DLC1: variants seen among roughly 807,000 people sequenced by gnomAD.
The protein encoded by DLC1 is DLC1 Rho GTPase activating protein.
Under a neutral mutation model 140.3 loss-of-function variants are expected in DLC1, and 54 were observed. The observed-to-expected ratio is 0.38, with a 90% confidence interval of 0.31 to 0.48. DLC1 has a LOEUF of 0.48. DLC1 is among the 20% of genes least tolerant of loss of function. The pLI, the probability that DLC1 is intolerant of heterozygous loss-of-function variation, is 0.96. For synonymous variants in DLC1, 986 were observed against 728.1 expected (o/e 1.35, Z -5.70); for missense variants, 2,536 against 1,907.0 (o/e 1.33, Z -6.14).
chr8:13,284,353 C>T (rs994699658), intron 5 of DLC1, among the ~76,000 whole-genome samples: 1 of 151,974 alleles, frequency 6.6e-6, no homozygotes, highest in Non-Finnish European at 1.5e-5. Context: ...ATGGTGAAAC[C>T]CCGTCTCTAC....
chr8:13,535,262 A>C (rs965719076), intron 1 of DLC1, among the ~76,000 whole-genome samples: 3 of 152,082 alleles, frequency 2.0e-5, no homozygotes, highest in African/African-American at 7.2e-5. Context: ...TGTGTGTGCT[A>C]TTTTTCATAG....
intron 5 of DLC1, among the ~76,000 whole-genome samples, chr8:13,118,621 C>T (rs1287382564): frequency 2.0e-5 from 3 of 152,124 alleles, no homozygotes; most frequent in South Asian, 2.1e-4. Context: ...ACTTGTTGAC[C>T]TCACGCCTAC....
intron 1 of DLC1, among the ~76,000 whole-genome samples, chr8:13,593,559 AG>A (rs1302353843): frequency 6.6e-6 from 1 of 152,134 alleles, no homozygotes; most frequent in Non-Finnish European, 1.5e-5. Flanking sequence ...AATGTGAAAG[AG>A]TGAAGAGATG....
chr8:13,254,693 C>G (rs17127833), intron 5 of DLC1, among the ~76,000 whole-genome samples: 15,743 of 130,664 alleles, frequency 0.12, 981 homozygotes, highest in South Asian at 0.2. Context: ...AGATCCAAAT[C>G]ACAGTTAAAA....
chr8:13,207,191 A>G (rs537912549), intron 5 of DLC1, among the ~76,000 whole-genome samples: 1 of 152,312 alleles, frequency 6.6e-6, no homozygotes, highest in Admixed American at 6.5e-5. Context: ...AATTTTGACA[A>G]ATTAATAATT....
At chr8:13,371,660 A>G (rs1003121067) in intron 4 of DLC1, among the ~76,000 whole-genome samples, 4 of 152,098 alleles carry the variant, frequency 2.6e-5, no homozygotes, top group Admixed American at 2.6e-4. Flanking sequence ...TAAATATCCA[A>G]TAAATATTTT....
intron 5 of DLC1, among the ~76,000 whole-genome samples, chr8:13,195,615 G>T (rs1585887402): frequency 6.6e-6 from 1 of 152,266 alleles, no homozygotes; most frequent in South Asian, 2.1e-4. Flanking sequence ...ATTTGTTTTG[G>T]TTTGTGTAAC....
At chr8:13,230,016 G>A (rs1828972375) in intron 5 of DLC1, among the ~76,000 whole-genome samples, 3 of 152,224 alleles carry the variant, frequency 2.0e-5, no homozygotes, top group African/African-American at 7.2e-5. Context: ...ACTGATGGAG[G>A]CTTTGATCTC....
intron 2 of DLC1, among the ~76,000 whole-genome samples, chr8:13,414,733 G>T (rs377759468): frequency 3.5e-4 from 54 of 152,250 alleles, no homozygotes; most frequent in African/African-American, 1.2e-3. Context: ...AACATTCAGT[G>T]AATTAGCTTA....
intron 5 of DLC1, among the ~76,000 whole-genome samples, chr8:13,159,674 C>T (rs1042454338): frequency 1.3e-5 from 2 of 152,076 alleles, no homozygotes; most frequent in African/African-American, 2.4e-5. Flanking sequence ...AGAGCCCACA[C>T]ATGTCCACCG....
intron 2 of DLC1, among the ~76,000 whole-genome samples, chr8:13,425,683 A>G (rs1223639459): frequency 6.6e-6 from 1 of 151,966 alleles, no homozygotes; most frequent in Non-Finnish European, 1.5e-5. Context: ...AAAAAATCAC[A>G]TTATCATGGT....
At chr8:13,595,591 C>T (rs1482135551) in intron 1 of DLC1, among the ~76,000 whole-genome samples, 1 of 151,916 alleles carries the variant, frequency 6.6e-6, no homozygotes, top group Non-Finnish European at 1.5e-5. Context: ...AAGTGAGGAA[C>T]ATATGCTGAA....
At chr8:13,344,277 TAA>T in intron 4 of DLC1, among the ~76,000 whole-genome samples, 1 of 152,254 alleles carries the variant, frequency 6.6e-6, no homozygotes, top group East Asian at 1.9e-4. Context: ...AGGGATCACC[TAA>T]GATCAGGAGT....
chr8:13,232,459 G>A (rs1829091892), intron 5 of DLC1, among the ~76,000 whole-genome samples: 1 of 152,016 alleles, frequency 6.6e-6, no homozygotes, highest in South Asian at 2.1e-4. Context: ...TCAGCCTCCT[G>A]AGTAGCTAGG....
chr8:13,223,712 TTTTATTGGTCTGTTAGGAATACATATA>T (rs1408868509), intron 5 of DLC1, among the ~76,000 whole-genome samples: 15 of 152,338 alleles, frequency 9.8e-5, no homozygotes, highest in African/African-American at 3.6e-4. Context: ...AAGCACTCCA[TTTTATTGGTCTGTTAGGAATACATATA>T]TATGAAAGTA....
In DLC1 at chr8:13,347,200, G is replaced by A. The variant is rs888836660; in HGVS notation, c.1315-41898C>T. On this transcript the variant is annotated intron_variant, in intron 4 of 17. Transcript: ENST00000276297. ...GGGGGACTAATGTATACTGTTTTGG[G>A]TATTTTCTAATCATTTTGGAAAACA... Among the ~76,000 whole-genome samples, 3 of 152,148 alleles carry A rather than the reference G, an allele frequency of 2.0e-5. No homozygotes were observed. In the East Asian group the frequency reaches 5.8e-4, roughly 29 times the overall value.
chr8:13,443,312 C>G (rs112771791), intron 2 of DLC1, among the ~76,000 whole-genome samples: 6,282 of 145,338 alleles, frequency 0.043, 163 homozygotes, highest in Middle Eastern at 0.088. Context: ...ATGTAACTAA[C>G]CTGCACTTTG....
intron 6 of DLC1, among the ~76,000 whole-genome samples, chr8:13,115,068 G>C (rs1451732074): frequency 6.6e-6 from 1 of 152,116 alleles, no homozygotes; most frequent in Admixed American, 6.5e-5. Flanking sequence ...AACAGAGAAA[G>C]CCAAAATACC....
intron 1 of DLC1, among the ~76,000 whole-genome samples, chr8:13,504,776 T>G (rs936958355): frequency 4.6e-5 from 7 of 151,550 alleles, no homozygotes; most frequent in African/African-American, 1.7e-4. Context: ...AAGTCTTACT[T>G]TTTTTTTAAC....
Sources: allele counts gnomAD v4.1 joint callset (sites outside exome capture counted in the v4.1 genomes callset), GRCh38; gene constraint gnomAD v4.1.1; transcripts MANE v1.5; gene names NCBI Gene and HGNC (gene_info 2026-07-23, HGNC 2026-07-21).